The following SIRT7 variants were observed in gnomAD, a reference collection of about 807,000 sequenced individuals.
SIRT7 encodes sirtuin 7, also known as NAD-dependent protein deacetylase sirtuin-7.
Under a neutral mutation model 42.8 loss-of-function variants are expected in SIRT7, and 32 were observed. That is an observed-to-expected ratio of 0.75 (90% confidence interval 0.56 to 1.00). The LOEUF (loss-of-function observed/expected upper bound fraction) is 1.00, where lower values mean the gene tolerates loss of function less well. SIRT7 is among the 50% of genes least tolerant of loss of function. The pLI, the probability that SIRT7 is intolerant of heterozygous loss-of-function variation, is 0.00. For synonymous variants in SIRT7, 297 were observed against 245.2 expected (o/e 1.21, Z -1.97); for missense variants, 553 against 572.2 (o/e 0.97, Z 0.34).
At chr17:81,915,954 G>T in intron 3 of SIRT7, 1 of 464,644 alleles carries the variant, frequency 2.2e-6, no homozygotes. Flanking sequence ...AGCCTCTCTG[G>T]CACCGAGCAC....
Position 81,914,714 on chromosome 17 carries a change from A to G in SIRT7, c.481-12T>C. On this transcript the variant is annotated splice_polypyrimidine_tract_variant and intron_variant, in intron 5 of 9. Coordinates refer to ENST00000328666, the MANE Select transcript of SIRT7 (RefSeq NM_016538.3). ...ACCACATGCTGCACCTGGAAGGCAG[A>G]ACGGGTGGCAAGGGGAGGGATGGCT... is the stretch of plus-strand genomic sequence containing the variant. 6.2e-7 allele frequency: 1 copy of G among 1,609,398 alleles called. No homozygotes were observed. Among genetic ancestry groups the G allele is most frequent in the Non-Finnish European group, 8.5e-7 (1 of 1,177,984 alleles).
At position 81,912,071 on chromosome 17, in the gene SIRT7, A is replaced by G. The variant is rs957802945; in HGVS notation, c.*345T>C. On this transcript the variant is annotated 3_prime_UTR_variant, in exon 10 of 10. Coordinates refer to ENST00000328666, the MANE Select transcript of SIRT7 (RefSeq NM_016538.3). ...ACTTTTTCATTAAGTAGTAGTAGAA[A>G]TACGGTGAGGCCCTGAGACTGGCCT... 5 of 398,856 alleles carry G rather than the reference A, an allele frequency of 1.3e-5. No homozygotes were observed. The Admixed American group carries it at 2.1e-4, about 17-fold the overall frequency. 24.7% of individuals were successfully genotyped at this position (398,856 alleles called of 1,614,324 possible).
chr17:81,915,457 G>A lies in SIRT7; in HGVS notation c.463C>T (p.Leu155=). 1 of 1,613,462 alleles carries A rather than the reference G, an allele frequency of 6.2e-7. No homozygotes were observed. The highest frequency in any genetic ancestry group is 8.5e-7 in the Non-Finnish European group (1 of 1,179,840). The change falls in exon 5 of 10, where the codon CTG becomes TTG. Residue 155 remains leucine, a synonymous_variant. Coordinates refer to ENST00000328666, the MANE Select transcript of SIRT7 (RefSeq NM_016538.3). ...PTLTHMSITR[L]HEQKLVQHVV... Reference sequence around the variant, plus strand: ...GCTCTTACCAGCTTCTGCTCATGCAGACGGGTGATGCTCATGTGGGTGAGG... The same window carrying A: ...GCTCTTACCAGCTTCTGCTCATGCAAACGGGTGATGCTCATGTGGGTGAGG...
At chr17:81,915,107 CA>C in intron 5 of SIRT7, 1 of 495,496 alleles carries the variant, frequency 2.0e-6, no homozygotes, top group Non-Finnish European at 3.7e-6. Context: ...GGGTGTTCAG[CA>C]GAAGGTCCCC....
chr17:81,914,678 A>G lies in SIRT7; in HGVS notation c.505T>C (p.Cys169Arg). 1.9e-6 allele frequency: 3 copies of G among 1,612,894 alleles called. No individual in the cohort carries two copies. Among genetic ancestry groups the G allele is most frequent in the Non-Finnish European group, 2.5e-6 (3 of 1,179,996 alleles). Residue 169 changes from cysteine (C) to arginine (R), a missense_variant, in exon 6 of 10, where the codon TGT (cysteine) becomes CGT (arginine). By Grantham distance (180) the Cys-to-Arg change is radical (BLOSUM62 -3). Coordinates refer to ENST00000328666, the MANE Select transcript of SIRT7 (RefSeq NM_016538.3). Reference sequence around the variant, plus strand: ...CCACTCCTCAGGTGGAGCCCGTCACAGTTCTGAGACACCACATGCTGCACC... The same window carrying G: ...CCACTCCTCAGGTGGAGCCCGTCACGGTTCTGAGACACCACATGCTGCACC... ...KLVQHVVSQN[C>R]DGLHLRSGLP...
chr17:81,914,999 G>T lies in SIRT7; in HGVS notation c.481-297C>A, dbSNP rs1197163049. On this transcript the variant is annotated intron_variant, in intron 5 of 9. Coordinates refer to ENST00000328666, the MANE Select transcript of SIRT7 (RefSeq NM_016538.3). ...AGGTTGGGAAGTGGCTCGGGGTTTGGCAAGGGCCACTCTGCCCCAGATCCA... is the reference window on the plus strand; with the variant it reads ...AGGTTGGGAAGTGGCTCGGGGTTTGTCAAGGGCCACTCTGCCCCAGATCCA... 4 of 516,292 alleles carry T rather than the reference G, an allele frequency of 7.7e-6. No homozygotes were observed. In the East Asian group the frequency reaches 1.4e-4, roughly 18 times the overall value. The allele number at this position is 516,292 out of a possible 1,614,324, so 32.0% of individuals were successfully genotyped here. A position where few individuals can be genotyped will look rare whatever the true frequency, so the allele number is the denominator to read the frequency against.
In SIRT7 at chr17:81,918,119, C is replaced by A. The variant is rs2040843908; in HGVS notation, c.13G>T (p.Gly5Cys). 3.2e-6 allele frequency: 5 copies of A among 1,552,252 alleles called. No homozygotes were observed. The East Asian group carries it at 1.3e-4, about 40-fold the overall frequency. The change falls in exon 1 of 10, where the codon GGT becomes TGT. Residue 5 changes from glycine to cysteine, a missense_variant. Transcript: ENST00000328666. MAAG[G>C]LSRSERKAAE... ...GCTTTGCGCTCGGAGCGGCTCAGAC[C>A]CCCGGCTGCCATCGCTCCCCTGGAG...
chr17:81,913,342 C>T lies in SIRT7; in HGVS notation c.1004+432G>A. ...GTGTAAACTTTTTACTCAATACATA[C>T]ACCAAGTCTAAATTATCACAAATTC... On this transcript the variant is annotated intron_variant, in intron 9 of 9. Coordinates refer to ENST00000328666, the MANE Select transcript of SIRT7 (RefSeq NM_016538.3). The surrounding 1 kb of genome is among the most constrained non-coding windows in gnomAD (Gnocchi z 5.0). 2.2e-6 allele frequency: 1 copy of T among 451,526 alleles called. No homozygotes were observed. 28.0% of individuals were successfully genotyped at this position (451,526 alleles called of 1,614,324 possible).
chr17:81,913,139 A>G lies in SIRT7; in HGVS notation c.1005-525T>C. On this transcript the variant is annotated intron_variant, in intron 9 of 9. Transcript: ENST00000328666. This position sits in a 1 kb window ranked among gnomAD's most constrained non-coding sequence, Gnocchi z 5.0. The stretch of plus-strand genomic sequence containing the variant: ...TACGCACTGATAAGGAAAATGAGCT[A>G]AGTTAATGTAAAAAAAAAATACAGT... The G allele has an allele frequency of 7.9e-6, 3 of 380,724 alleles. No homozygotes were observed. Among genetic ancestry groups the G allele is most frequent in the South Asian group, 5.9e-5 (3 of 51,166 alleles). 23.6% of individuals were successfully genotyped at this position (380,724 alleles called of 1,614,324 possible).
Position 81,915,510 on chromosome 17 carries a change from G to A in SIRT7, c.410C>T (p.Ala137Val). ...TGGCTCGGCCTCGCTCAGGTCGGCA[G>A]CACTGCCAGGCAGAAAGGAAGGCAA... Reference protein sequence around the residue: ...TLLQKGRSVSAADLSEAEPTL... With the variant: ...TLLQKGRSVSVADLSEAEPTL... The change falls in exon 5 of 10, where the codon GCT becomes GTT. Residue 137 changes from alanine to valine, a missense_variant and splice_region_variant. Coordinates refer to ENST00000328666, the MANE Select transcript of SIRT7 (RefSeq NM_016538.3). 6.2e-7 allele frequency: 1 copy of A among 1,613,640 alleles called. No individual in the cohort carries two copies. Among genetic ancestry groups the A allele is most frequent in the Non-Finnish European group, 8.5e-7 (1 of 1,179,896 alleles).
chr17:81,912,650 G>A (rs1467887358), intron 9 of SIRT7, 36 bp from the exon 10 acceptor site: 1 of 1,588,058 alleles, frequency 6.3e-7, no homozygotes, highest in Non-Finnish European at 8.6e-7. Context: ...GGCGGGCCTG[G>A]GAGCCTCTCG....
chr17:81,912,726 C>T (rs987390132), intron 9 of SIRT7, 112 bp from the exon 10 acceptor site: 102 of 1,170,488 alleles, frequency 8.7e-5, no homozygotes, highest in Middle Eastern at 2.7e-4. Flanking sequence ...CCTTCCCTCC[C>T]GTGTCAACTG....
chr17:81,912,740 C>T (rs2040706309), intron 9 of SIRT7, 126 bp from the exon 10 acceptor site: 6 of 1,047,700 alleles, frequency 5.7e-6, no homozygotes, highest in African/African-American at 1.6e-5. Context: ...TCAACTGCGG[C>T]GGGGCTCTGG....
In SIRT7 at chr17:81,913,940, C is replaced by T; in HGVS notation, c.898-60G>A. The T allele has an allele frequency of 6.5e-7, 1 of 1,543,344 alleles. No homozygotes were observed. The highest frequency in any genetic ancestry group is 8.8e-7 in the Non-Finnish European group (1 of 1,137,326). ...AGCCCAACCCTTCCCGGTGGCCTGTCAGCCTTGGCCCCTACGGGCTCAGTC... is the reference window on the plus strand; with the variant it reads ...AGCCCAACCCTTCCCGGTGGCCTGTTAGCCTTGGCCCCTACGGGCTCAGTC... On this transcript the variant is annotated intron_variant, in intron 8 of 9. Transcript: ENST00000328666. This position sits in a 1 kb window ranked among gnomAD's most constrained non-coding sequence, Gnocchi z 5.0.
At position 81,917,788 on chromosome 17, in the gene SIRT7, T is replaced by C. The variant is rs751456614; in HGVS notation, c.231+42A>G. The C allele has an allele frequency of 1.1e-5, 15 of 1,416,510 alleles. No individual in the cohort carries two copies. The East Asian group carries it at 3.6e-4, about 34-fold the overall frequency. The allele number at this position is 1,416,510 out of a possible 1,614,324, so 87.7% of individuals were successfully genotyped here. ...CGGGACCGCCCGTCGCCCCAGCTGC[T>C]CCCGAAACCGGGGGCGCCCGCGCGC... On this transcript the variant is annotated intron_variant, in intron 2 of 9. Transcript: ENST00000328666.
intron 5 of SIRT7, 138 bp downstream of exon 5, chr17:81,915,302 C>T (rs1166562683): frequency 8.8e-6 from 8 of 913,734 alleles, no homozygotes; most frequent in African/African-American, 4.9e-5. Context: ...GGATCAAACC[C>T]GCGGCCTAAC....
At chr17:81,915,076 C>T (rs2040770629) in intron 5 of SIRT7, 1 of 482,420 alleles carries the variant, frequency 2.1e-6, no homozygotes, top group African/African-American at 1.9e-5. Context: ...GGCAGATCAA[C>T]CACTACACCC....
In SIRT7 at chr17:81,917,620, T is replaced by A; in HGVS notation, c.331A>T (p.Ser111Cys). The A allele has an allele frequency of 6.2e-7, 1 of 1,604,166 alleles. No homozygotes were observed. The highest frequency in any genetic ancestry group is 8.5e-7 in the Non-Finnish European group (1 of 1,175,142). The change falls in exon 3 of 10, where the codon AGC becomes TGC. Residue 111 changes from serine (S) to cysteine (C), a missense_variant. Transcript: ENST00000328666. ...GCCTCCGCCTCCCTCCCTACCGTGC[T>A]GATTCCCGCGCCTGTGTAGACGACC... The part of the protein sequence containing the change: ...YLVVYTGAGI[S>C]TAASIPDYRG...
intron 5 of SIRT7, 131 bp from the exon 6 acceptor site, chr17:81,914,833 C>A (rs373506868): frequency 1.4e-5 from 10 of 706,504 alleles, no homozygotes; most frequent in Non-Finnish European, 2.2e-5. Flanking sequence ...TCCGTCCCCC[C>A]AGAGAGCCTT....
Sources: gnomAD v4.1 joint callset for allele counts on GRCh38, gnomAD v4.1.1 for gene constraint, Gnocchi (gnomAD v3.1) non-coding constraint, MANE v1.5 for transcripts, NCBI Gene and HGNC (gene_info 2026-07-23, HGNC 2026-07-21) for gene names.